The following ASIC2 variants were observed in gnomAD, a reference collection of about 807,000 sequenced individuals.
ASIC2 encodes acid sensing ion channel subunit 2, also known as acid-sensing ion channel 2.
ASIC2 carries 25 observed loss-of-function variants against 57.3 expected under a neutral mutation model. The ratio of observed to expected loss-of-function variants is 0.44; its 90% CI spans 0.32 to 0.61. The LOEUF is 0.61. ASIC2 is among the 20% of genes least tolerant of loss of function. The pLI is 0.06. For missense variants in ASIC2, 641 were observed against 738.1 expected (o/e 0.87, Z 1.52); for synonymous variants, 319 against 307.5 (o/e 1.04, Z -0.39).
At chr17:33,929,266 GC>G (rs936854340) in intron 1 of ASIC2, among the ~76,000 whole-genome samples, 11 of 152,004 alleles carry the variant, frequency 7.2e-5, no homozygotes, top group African/African-American at 2.7e-4. Context: ...CCCAGCCACT[GC>G]CCCCGACCGA....
intron 1 of ASIC2, among the ~76,000 whole-genome samples, chr17:33,638,563 T>TACACAC (rs34933757): frequency 1.3e-5 from 2 of 151,110 alleles, no homozygotes; most frequent in East Asian, 1.9e-4. Context: ...GCCTAGTTTG[T>TACACAC]ACACACACAC....
chr17:33,616,754 CTTTG>C (rs1430110906), intron 1 of ASIC2, among the ~76,000 whole-genome samples: 10 of 152,206 alleles, frequency 6.6e-5, no homozygotes, highest in African/African-American at 1.9e-4. Context: ...AGGAGAGGCT[CTTTG>C]TTTGAGATTT....
intron 1 of ASIC2, among the ~76,000 whole-genome samples, chr17:34,099,638 GAA>G (rs1241011273): frequency 8.1e-6 from 1 of 123,452 alleles, no homozygotes; most frequent in East Asian, 2.4e-4. Flanking sequence ...GAAAAAGAAA[GAA>G]AGAAAAGAGA....
chr17:33,476,812 C>T (rs894822816), intron 1 of ASIC2, among the ~76,000 whole-genome samples: 7 of 151,940 alleles, frequency 4.6e-5, no homozygotes, highest in Admixed American at 1.3e-4. Context: ...ATAAGAGATG[C>T]GACCTCTCAT....
chr17:34,032,845 G>A (rs1454083430), intron 1 of ASIC2, among the ~76,000 whole-genome samples: 1 of 152,178 alleles, frequency 6.6e-6, no homozygotes, highest in East Asian at 1.9e-4. Context: ...CAGTACAGGA[G>A]TACCCAGATT....
chr17:33,562,159 A>G (rs1207723479), intron 1 of ASIC2, among the ~76,000 whole-genome samples: 1 of 152,154 alleles, frequency 6.6e-6, no homozygotes, highest in Non-Finnish European at 1.5e-5. Flanking sequence ...TTCAACTTGT[A>G]CGGGCCAAAT....
intron 1 of ASIC2, among the ~76,000 whole-genome samples, chr17:33,493,732 C>A (rs1397496035): frequency 1.3e-5 from 2 of 152,132 alleles, no homozygotes; most frequent in Non-Finnish European, 1.5e-5. Context: ...CATCCTTCCC[C>A]CAAGATAGCA....
At chr17:33,238,948 G>A (rs565035002) in intron 1 of ASIC2, among the ~76,000 whole-genome samples, 3 of 149,204 alleles carry the variant, frequency 2.0e-5, no homozygotes, top group Admixed American at 1.3e-4. Context: ...AGGTTGCAGC[G>A]AGCCAAGATT....
intron 1 of ASIC2, among the ~76,000 whole-genome samples, chr17:34,092,223 A>G (rs1456663658): frequency 6.6e-6 from 1 of 152,180 alleles, no homozygotes; most frequent in Non-Finnish European, 1.5e-5. Flanking sequence ...AATACAGTAG[A>G]GGTTTCAGGC....
intron 1 of ASIC2, among the ~76,000 whole-genome samples, chr17:33,229,441 GC>G (rs1280196077): frequency 1.3e-5 from 2 of 152,202 alleles, no homozygotes; most frequent in African/African-American, 2.4e-5. Context: ...GCCGATGTCT[GC>G]ACTGGCTACA....
intron 1 of ASIC2, among the ~76,000 whole-genome samples, chr17:33,799,387 TTTC>T (rs1254983890): frequency 3.1e-4 from 20 of 64,534 alleles, no homozygotes; most frequent in African/African-American, 7.8e-4. Flanking sequence ...CCTTTCTTTC[TTTC>T]TTTCTTTCTT....
intron 1 of ASIC2, among the ~76,000 whole-genome samples, chr17:33,479,715 G>T (rs1377503131): frequency 6.6e-6 from 1 of 152,128 alleles, no homozygotes; most frequent in Non-Finnish European, 1.5e-5. Context: ...GTGTAGGCCT[G>T]GCTAGGACCA....
At chr17:33,197,613 C>A (rs909285622) in intron 1 of ASIC2, among the ~76,000 whole-genome samples, 3 of 152,230 alleles carry the variant, frequency 2.0e-5, no homozygotes, top group African/African-American at 7.2e-5. Flanking sequence ...CCTCTCCTCC[C>A]AAGGGGTTGC....
At chr17:33,144,158 A>AAAC (rs1491235606) in intron 1 of ASIC2, among the ~76,000 whole-genome samples, 3 of 74,392 alleles carry the variant, frequency 4.0e-5, no homozygotes, top group African/African-American at 1.6e-4. Context: ...ACAAACAAAC[A>AAAC]AAAAAAAAAA....
intron 1 of ASIC2, among the ~76,000 whole-genome samples, chr17:34,030,338 C>T (rs897721839): frequency 6.6e-6 from 1 of 152,168 alleles, no homozygotes; most frequent in Admixed American, 6.5e-5. Flanking sequence ...TTTTTGAGGG[C>T]CTACTATCTG....
chr17:33,609,357 T>C (rs964397883), intron 1 of ASIC2, among the ~76,000 whole-genome samples: 1 of 152,218 alleles, frequency 6.6e-6, no homozygotes, highest in African/African-American at 2.4e-5. Context: ...AAACTCATCG[T>C]GACTGCCCTC....
intron 1 of ASIC2, among the ~76,000 whole-genome samples, chr17:34,077,808 C>T (rs987445684): frequency 6.6e-6 from 1 of 152,112 alleles, no homozygotes; most frequent in African/African-American, 2.4e-5. Context: ...TGCGTCCCAG[C>T]CTCTCTGAAG....
chr17:33,805,304 G>C (rs994309730), intron 1 of ASIC2, among the ~76,000 whole-genome samples: 2 of 152,164 alleles, frequency 1.3e-5, no homozygotes, highest in Admixed American at 6.5e-5. Flanking sequence ...GATTGACCCA[G>C]GTTCTCAGAA....
Position 34,142,056 on chromosome 17 carries a change from G to T in ASIC2, c.555+13922C>A, listed in dbSNP as rs1189730912. On this transcript the variant is annotated intron_variant, in intron 1 of 9. Transcript: ENST00000359872. ...AAATAGCTAACAGGCCCGGGGGAAT[G>T]AAGTATTCTGCTAGGAAATCATTCC... Among the ~76,000 whole-genome samples the T allele has an allele frequency of 2.6e-5, 4 of 152,298 alleles. No individual in the cohort carries two copies. In the East Asian group the frequency reaches 7.7e-4, roughly 29 times the overall value.
Sources: allele counts gnomAD v4.1 joint callset (sites outside exome capture counted in the v4.1 genomes callset), GRCh38; gene constraint gnomAD v4.1.1; transcripts MANE v1.5; gene names NCBI Gene and HGNC (gene_info 2026-07-23, HGNC 2026-07-21).